The following ADARB2 variants were observed in gnomAD, a reference collection of about 807,000 sequenced individuals.
ADARB2 encodes inactive double-stranded RNA-specific editase B2.
A neutral mutation model predicts 62.2 loss-of-function variants in ADARB2; 25 were observed. The observed-to-expected ratio is 0.40, with a 90% CI of 0.29 to 0.56. ADARB2 has a LOEUF of 0.56. ADARB2 is among the 20% of genes least tolerant of loss of function. ADARB2 has a pLI of 0.43. For synonymous variants in ADARB2, 572 were observed against 500.8 expected, an observed-to-expected ratio of 1.14 and a Z score of -1.90; for missense variants, 1,071 against 1,077.4, an observed-to-expected ratio of 0.99 and a Z score of 0.08.
intron 1 of ADARB2, among the ~76,000 whole-genome samples, chr10:1,451,046 T>C (rs947781593): frequency 2.6e-5 from 4 of 152,206 alleles, no homozygotes; most frequent in Non-Finnish European, 5.9e-5. Context: ...GAGAGATGTG[T>C]GTGCCAACAA....
chr10:1,482,186 G>A (rs74463022), intron 1 of ADARB2, among the ~76,000 whole-genome samples: 28 of 152,276 alleles, frequency 1.8e-4, no homozygotes, highest in East Asian at 3.9e-4. Flanking sequence ...ACAGTATGGC[G>A]GTTCCTTGGG....
At chr10:1,653,198 T>C (rs1834132204) in intron 1 of ADARB2, among the ~76,000 whole-genome samples, 1 of 152,132 alleles carries the variant, frequency 6.6e-6, no homozygotes, top group African/African-American at 2.4e-5. Flanking sequence ...TGCCACAGCC[T>C]AGAGACAGAC....
At chr10:1,608,262 T>C (rs1314787803) in intron 1 of ADARB2, among the ~76,000 whole-genome samples, 1 of 152,198 alleles carries the variant, frequency 6.6e-6, no homozygotes, top group Non-Finnish European at 1.5e-5. Flanking sequence ...TCACAGTTTA[T>C]TTCCTGGATT....
intron 3 of ADARB2, chr10:1,361,135 G>T (rs1051862263): frequency 1.2e-4 from 18 of 152,250 alleles, no homozygotes; most frequent in Non-Finnish European, 2.5e-4. Context: ...GCCTGCCAAG[G>T]TTGCACCTAA....
intron 7 of ADARB2, among the ~76,000 whole-genome samples, chr10:1,201,729 A>C (rs1476666162): frequency 6.6e-6 from 1 of 150,508 alleles, no homozygotes; most frequent in Non-Finnish European, 1.5e-5. Context: ...CCTTCATTCC[A>C]CAGCGTGTCT....
chr10:1,615,581 C>T (rs928766997), intron 1 of ADARB2, among the ~76,000 whole-genome samples: 6 of 152,232 alleles, frequency 3.9e-5, no homozygotes, highest in Admixed American at 1.3e-4. Context: ...CGCACAGACT[C>T]GAATGGGAAT....
At chr10:1,195,192 C>T (rs916930743) in intron 8 of ADARB2, among the ~76,000 whole-genome samples, 1 of 152,130 alleles carries the variant, frequency 6.6e-6, no homozygotes, top group Admixed American at 6.5e-5. Flanking sequence ...TCCCCAGGTC[C>T]TGGCTTGGCA....
intron 3 of ADARB2, among the ~76,000 whole-genome samples, chr10:1,325,773 C>T (rs923259060): frequency 2.6e-5 from 4 of 152,008 alleles, no homozygotes; most frequent in African/African-American, 9.7e-5. Context: ...CCATGTGGGA[C>T]GGAGGAAAGC....
chr10:1,375,496 GT>G (rs777752125), intron 2 of ADARB2, among the ~76,000 whole-genome samples: 57 of 152,332 alleles, frequency 3.7e-4, no homozygotes, highest in Non-Finnish European at 6.6e-4. Context: ...AGGGCACTCA[GT>G]CCCAGACAAA....
chr10:1,456,005 A>G (rs1307352946), intron 1 of ADARB2, among the ~76,000 whole-genome samples: 1 of 152,230 alleles, frequency 6.6e-6, no homozygotes, highest in African/African-American at 2.4e-5. Context: ...GAAAAGTTTC[A>G]CTTATAATAG....
chr10:1,726,597 G>A (rs1030392127), intron 1 of ADARB2, among the ~76,000 whole-genome samples: 1 of 152,194 alleles, frequency 6.6e-6, no homozygotes, highest in Admixed American at 6.5e-5. Context: ...GGTCACGAAC[G>A]AGGCCATGCT....
At chr10:1,364,455 C>A (rs146966103) in intron 2 of ADARB2, among the ~76,000 whole-genome samples, 1 of 152,232 alleles carries the variant, frequency 6.6e-6, no homozygotes, top group African/African-American at 2.4e-5. Context: ...AGGTGAGGCA[C>A]TGCGGCCTTG....
At position 1,258,421 on chromosome 10, in the gene ADARB2, C is replaced by G. The variant is rs545794654; in HGVS notation, c.1192+12534G>C. ...GCTGTATTCAGGAAACCCATCTCAG[C>G]TGCAGAGACACACATAGGCTCAAAG... On this transcript the variant is annotated intron_variant, in intron 4 of 9. Coordinates refer to ENST00000381312, the MANE Select transcript of ADARB2 (RefSeq NM_018702.4). 2.0e-5 allele frequency among the ~76,000 whole-genome samples: 3 copies of G among 152,270 alleles called. No individual in the cohort carries two copies. In the East Asian group the frequency reaches 5.8e-4, roughly 29 times the overall value.
intron 3 of ADARB2, among the ~76,000 whole-genome samples, chr10:1,289,490 G>A (rs557523908): frequency 4.6e-5 from 7 of 152,218 alleles, no homozygotes; most frequent in Non-Finnish European, 1.0e-4. Flanking sequence ...GAGGCCTTCA[G>A]GGGGAGGCCT....
chr10:1,630,956 AAAACAAACAAACAAACAAAC>A (rs57053077), intron 1 of ADARB2, among the ~76,000 whole-genome samples: 2 of 149,480 alleles, frequency 1.3e-5, no homozygotes, highest in Non-Finnish European at 3.0e-5. Flanking sequence ...CTCCTTCTCA[AAAACAAACAAACAAACAAAC>A]AAACAAACAA....
chr10:1,562,601 G>C (rs1249824541), intron 1 of ADARB2, among the ~76,000 whole-genome samples: 4 of 152,234 alleles, frequency 2.6e-5, no homozygotes, highest in Admixed American at 2.0e-4. Context: ...CTAGCATATA[G>C]TAGGTGCTAT....
intron 1 of ADARB2, among the ~76,000 whole-genome samples, chr10:1,383,903 T>C (rs952445938): frequency 6.6e-6 from 1 of 152,248 alleles, no homozygotes; most frequent in African/African-American, 2.4e-5. Context: ...GGCTGCTGAA[T>C]TTTCTGGATT....
intron 3 of ADARB2, among the ~76,000 whole-genome samples, chr10:1,283,054 G>T (rs1321343508): frequency 1.3e-5 from 2 of 152,200 alleles, no homozygotes; most frequent in East Asian, 1.9e-4. Context: ...ATCACAGAAG[G>T]TAGACAAACC....
chr10:1,669,277 G>A (rs936108625), intron 1 of ADARB2, among the ~76,000 whole-genome samples: 1 of 152,176 alleles, frequency 6.6e-6, no homozygotes, highest in Non-Finnish European at 1.5e-5. Context: ...TCTCCCAGGG[G>A]GGTTGACACC....
Sources: allele counts gnomAD v4.1 joint callset (sites outside exome capture counted in the v4.1 genomes callset), GRCh38; gene constraint gnomAD v4.1.1; transcripts MANE v1.5; gene names NCBI Gene and HGNC (gene_info 2026-07-23, HGNC 2026-07-21).